ABLIM1: variants seen among roughly 807,000 people sequenced by gnomAD.
ABLIM1 encodes actin-binding LIM protein 1.
ABLIM1 carries 40 observed loss-of-function variants against 107.0 expected under a neutral mutation model. The ratio of observed to expected loss-of-function variants is 0.37; its 90% CI spans 0.29 to 0.49. ABLIM1 has a LOEUF of 0.49. ABLIM1 is among the 20% of genes least tolerant of loss of function. The pLI is 0.97. For missense variants in ABLIM1, 857 were observed against 1,008.5 expected, an observed-to-expected ratio of 0.85 and a Z score of 2.04; for synonymous variants, 357 against 357.3, an observed-to-expected ratio of 1.00 and a Z score of 0.01.
At chr10:114,723,521 A>G (rs1264383512) in intron 1 of ABLIM1, among the ~76,000 whole-genome samples, 1 of 152,210 alleles carries the variant, frequency 6.6e-6, no homozygotes, top group Admixed American at 6.5e-5. Flanking sequence ...GCTGAGGGGA[A>G]AGGGCAGAAT....
At chr10:114,573,723 C>T (rs990138036) in intron 3 of ABLIM1, among the ~76,000 whole-genome samples, 9 of 152,242 alleles carry the variant, frequency 5.9e-5, no homozygotes, top group Middle Eastern at 3.4e-3. Context: ...CAGTGATGAG[C>T]GAGGCTTGAA....
intron 1 of ABLIM1, chr10:114,690,553 G>A: frequency 8.3e-7 from 1 of 1,199,710 alleles, no homozygotes; most frequent in Non-Finnish European, 1.2e-6. Flanking sequence ...GCTGTCTTTG[G>A]AAACTTGTCT....
chr10:114,671,217 G>A (rs1447984776), intron 1 of ABLIM1, among the ~76,000 whole-genome samples: 1 of 152,160 alleles, frequency 6.6e-6, no homozygotes, highest in Non-Finnish European at 1.5e-5. Context: ...TAGCTCCTTT[G>A]GCTCAACATA....
chr10:114,470,275 T>G (rs1457218735), intron 10 of ABLIM1, among the ~76,000 whole-genome samples: 2 of 151,848 alleles, frequency 1.3e-5, no homozygotes, highest in African/African-American at 4.8e-5. Flanking sequence ...ATACAAAAAT[T>G]AGCCCAGCAT....
chr10:114,466,440 C>T (rs2065178603), intron 11 of ABLIM1, among the ~76,000 whole-genome samples: 1 of 135,986 alleles, frequency 7.4e-6, no homozygotes, highest in Admixed American at 7.6e-5. Context: ...TGTTCACATA[C>T]CTACCAGATC....
chr10:114,631,005 A>C lies in ABLIM1; in HGVS notation c.244+26952T>G, dbSNP rs189908510. Among the ~76,000 whole-genome samples, 12 of 152,340 alleles carry C rather than the reference A, an allele frequency of 7.9e-5. No individual in the cohort carries two copies. In the East Asian group the frequency reaches 2.3e-3, roughly 29 times the overall value. The stretch of plus-strand genomic sequence containing the variant: ...GAAGGGTCTAGCAAGATACACAGTA[A>C]CTGTTAACAATTTTATCTCTAGAGA... On this transcript the variant is annotated intron_variant, in intron 1 of 22. Transcript: ENST00000533213.
At chr10:114,522,068 T>C (rs2063826900) in intron 6 of ABLIM1, among the ~76,000 whole-genome samples, 1 of 151,970 alleles carries the variant, frequency 6.6e-6, no homozygotes, top group Non-Finnish European at 1.5e-5. Flanking sequence ...AGCCCAGAGA[T>C]GGACAGTGTC....
chr10:114,577,896 A>T (rs1240716812), intron 2 of ABLIM1, among the ~76,000 whole-genome samples: 1 of 152,232 alleles, frequency 6.6e-6, no homozygotes, highest in Admixed American at 6.5e-5. Context: ...CTATGATGCC[A>T]GTACCTAAAA....
intron 11 of ABLIM1, among the ~76,000 whole-genome samples, 178 bp downstream of exon 11, chr10:114,468,003 T>C (rs956516473): frequency 6.6e-6 from 1 of 152,204 alleles, no homozygotes; most frequent in Admixed American, 6.5e-5. Flanking sequence ...GAGAAATATA[T>C]TGCTGTGTCT....
chr10:114,734,523 C>T (rs922813686), intron 1 of ABLIM1, among the ~76,000 whole-genome samples: 4 of 152,040 alleles, frequency 2.6e-5, no homozygotes, highest in South Asian at 2.1e-4. Context: ...CACCTTGTTC[C>T]CCCAATCCTC....
upstream of ABLIM1, among the ~76,000 whole-genome samples, chr10:114,687,933 A>G (rs1032543273): frequency 2.6e-5 from 4 of 152,146 alleles, no homozygotes; most frequent in African/African-American, 9.7e-5. Context: ...TTGTCTTCCA[A>G]TTATATTCAA....
chr10:114,635,441 C>T (rs1003525591), intron 1 of ABLIM1, among the ~76,000 whole-genome samples: 10 of 152,234 alleles, frequency 6.6e-5, no homozygotes, highest in African/African-American at 1.9e-4. Flanking sequence ...GTACGTGCAC[C>T]TGTAGTGCAG....
At chr10:114,506,223 T>C (rs555469538) in intron 6 of ABLIM1, among the ~76,000 whole-genome samples, 2 of 152,338 alleles carry the variant, frequency 1.3e-5, no homozygotes, top group South Asian at 2.1e-4. Context: ...TAGTATTCCA[T>C]GGTGTATAGA....
intron 1 of ABLIM1, among the ~76,000 whole-genome samples, chr10:114,668,392 C>A (rs1389166687): frequency 6.6e-6 from 1 of 152,090 alleles, no homozygotes; most frequent in East Asian, 1.9e-4. Flanking sequence ...ATATTCCCAG[C>A]CAAACTGAGG....
intron 1 of ABLIM1, chr10:114,632,062 G>T: frequency 1.2e-5 from 15 of 1,208,494 alleles, no homozygotes; most frequent in Non-Finnish European, 1.4e-5. Context: ...CCGGGGCTGT[G>T]GTCTCGAGTC....
chr10:114,728,355 G>C (rs1412087547), intron 1 of ABLIM1, among the ~76,000 whole-genome samples: 1 of 151,996 alleles, frequency 6.6e-6, no homozygotes. Context: ...AACCCCAATA[G>C]TTCCTCTCTG....
intron 1 of ABLIM1, among the ~76,000 whole-genome samples, chr10:114,693,055 T>C (rs552383468): frequency 9.8e-5 from 15 of 152,332 alleles, no homozygotes; most frequent in African/African-American, 3.6e-4. Flanking sequence ...TGAAACCCCA[T>C]GTTTTATTCC....
chr10:114,779,514 G>A, the ABLIM1 span: 11 of 152,114 alleles, frequency 7.2e-5, no homozygotes, highest in African/African-American at 2.6e-4. Context: ...CTATTTGATG[G>A]GTATCTTTCA....
chr10:114,723,608 C>T (rs1171026450), intron 1 of ABLIM1, among the ~76,000 whole-genome samples: 1 of 152,216 alleles, frequency 6.6e-6, no homozygotes, highest in Non-Finnish European at 1.5e-5. Context: ...CTCCTCCTCT[C>T]CACCACCTAA....
Sources: allele counts gnomAD v4.1 joint callset (sites outside exome capture counted in the v4.1 genomes callset), GRCh38; gene constraint gnomAD v4.1.1; transcripts MANE v1.5; gene names NCBI Gene and HGNC (gene_info 2026-07-23, HGNC 2026-07-21).